Variants in PDE7B observed in about 807,000 individuals in gnomAD.
PDE7B encodes phosphodiesterase 7B.
A neutral mutation model predicts 56.2 loss-of-function variants in PDE7B; 29 were observed. The observed-to-expected ratio is 0.52, with a 90% CI of 0.38 to 0.70. PDE7B has a LOEUF of 0.70. PDE7B is among the 30% of genes least tolerant of loss of function. PDE7B has a pLI of 0.00. For synonymous variants in PDE7B, 197 were observed against 196.9 expected (o/e 1.00, Z 0.00); for missense variants, 490 against 565.0 (o/e 0.87, Z 1.35).
chr6:136,086,346 T>G (rs1777291824), intron 2 of PDE7B, among the ~76,000 whole-genome samples: 1 of 151,856 alleles, frequency 6.6e-6, no homozygotes, highest in Non-Finnish European at 1.5e-5. Context: ...TCTTAATGGC[T>G]TTTATTTATT....
chr6:135,958,007 G>A (rs555695612), intron 2 of PDE7B, among the ~76,000 whole-genome samples: 2 of 152,050 alleles, frequency 1.3e-5, no homozygotes, highest in Non-Finnish European at 2.9e-5. Context: ...CGAGGTGGGC[G>A]GATACCCTGA....
In PDE7B at chr6:136,041,581, C is replaced by T. The variant is rs180915598; in HGVS notation, c.83-67150C>T. On this transcript the variant is annotated intron_variant, in intron 2 of 12. Transcript: ENST00000308191. ...ATAGAAGGAAGGAAGAGGAGCTTGTCACCTTCACATGTTAGATCTGTGCAT... is the reference window on the plus strand; with the variant it reads ...ATAGAAGGAAGGAAGAGGAGCTTGTTACCTTCACATGTTAGATCTGTGCAT... Among the ~76,000 whole-genome samples, 234 of 152,330 alleles carry T rather than the reference C, an allele frequency of 1.5e-3. 2 individuals are homozygous for T. Among genetic ancestry groups the T allele is most frequent in the African/African-American group, 5.3e-3 (219 of 41,562 alleles).
At chr6:135,982,391 G>GCTCT (rs147932327) in intron 2 of PDE7B, among the ~76,000 whole-genome samples, 1 of 150,682 alleles carries the variant, frequency 6.6e-6, no homozygotes, top group Non-Finnish European at 1.5e-5. Flanking sequence ...TCACATGTTA[G>GCTCT]CTCTCTCTCT....
intron 1 of PDE7B, among the ~76,000 whole-genome samples, chr6:135,871,114 G>A (rs1169264153): frequency 6.6e-6 from 1 of 152,170 alleles, no homozygotes; most frequent in Non-Finnish European, 1.5e-5. Context: ...AGCTGTGGTA[G>A]GAATCTGCTG....
At chr6:136,138,768 G>A (rs1009466617) in intron 3 of PDE7B, among the ~76,000 whole-genome samples, 1 of 152,100 alleles carries the variant, frequency 6.6e-6, no homozygotes, top group African/African-American at 2.4e-5. Context: ...CAACTTGTCA[G>A]ATATCTACTT....
intron 2 of PDE7B, among the ~76,000 whole-genome samples, chr6:136,022,895 G>A (rs1776094960): frequency 6.6e-6 from 1 of 152,088 alleles, no homozygotes; most frequent in South Asian, 2.1e-4. Flanking sequence ...TGGCTGAGAG[G>A]GTGGGAGAAA....
intron 1 of PDE7B, among the ~76,000 whole-genome samples, chr6:135,940,425 C>T (rs146370791): frequency 0.015 from 2,224 of 152,346 alleles, 24 homozygotes; most frequent in Middle Eastern, 0.034. Context: ...TGTATCCACA[C>T]TCATGATACA....
intron 2 of PDE7B, among the ~76,000 whole-genome samples, chr6:136,050,414 A>AG (rs1325775034): frequency 4.7e-5 from 7 of 150,126 alleles, no homozygotes; most frequent in African/African-American, 1.7e-4. Flanking sequence ...CAGAAAATTA[A>AG]AAAAAAAAAA....
At chr6:135,972,761 A>G (rs1647236219) in intron 2 of PDE7B, among the ~76,000 whole-genome samples, 1 of 152,206 alleles carries the variant, frequency 6.6e-6, no homozygotes, top group African/African-American at 2.4e-5. Context: ...TTTTATGACC[A>G]TTGATAATGG....
intron 9 of PDE7B, among the ~76,000 whole-genome samples, chr6:136,178,496 T>C (rs911392088): frequency 6.6e-6 from 1 of 152,326 alleles, no homozygotes; most frequent in East Asian, 1.9e-4. Flanking sequence ...GTTTTTGTGT[T>C]TGAAGTTCCA....
chr6:136,154,796 C>T (rs990375367), intron 7 of PDE7B, among the ~76,000 whole-genome samples: 12 of 152,314 alleles, frequency 7.9e-5, no homozygotes, highest in East Asian at 3.9e-4. Flanking sequence ...GTACAAGGTA[C>T]AGGATGAGTT....
chr6:136,040,265 C>T (rs1351124828), intron 2 of PDE7B, among the ~76,000 whole-genome samples: 2 of 152,156 alleles, frequency 1.3e-5, no homozygotes, highest in African/African-American at 4.8e-5. Context: ...TAACACCTTT[C>T]CAAAGGATGT....
chr6:135,859,282 A>G (rs1202281083), intron 1 of PDE7B, among the ~76,000 whole-genome samples: 8 of 152,162 alleles, frequency 5.3e-5, no homozygotes, highest in African/African-American at 1.7e-4. Flanking sequence ...GTGTGTTTCC[A>G]TGTTCTTAAG....
At chr6:136,191,483 A>G (rs2128452824) in intron 12 of PDE7B, 131 bp from the exon 13 acceptor site, 7 of 758,088 alleles carry the variant, frequency 9.2e-6, no homozygotes, top group South Asian at 1.7e-5. Flanking sequence ...CCTGGCCAAC[A>G]TGGGGAAACC....
intron 3 of PDE7B, among the ~76,000 whole-genome samples, chr6:136,109,771 C>G (rs946314385): frequency 1.2e-4 from 18 of 152,282 alleles, no homozygotes; most frequent in African/African-American, 4.1e-4. Context: ...AGATTTCATG[C>G]CTTATAACGA....
chr6:135,950,453 A>C (rs191723993), intron 2 of PDE7B, among the ~76,000 whole-genome samples: 12 of 152,316 alleles, frequency 7.9e-5, no homozygotes, highest in African/African-American at 2.4e-4. Context: ...CCAACCATAA[A>C]TGTAGTTTTT....
At chr6:136,139,482 C>T (rs1239370023) in intron 3 of PDE7B, among the ~76,000 whole-genome samples, 1 of 152,104 alleles carries the variant, frequency 6.6e-6, no homozygotes, top group Non-Finnish European at 1.5e-5. Context: ...TGGGTATATA[C>T]CCGGTAATGG....
chr6:135,994,254 C>CA (rs1427822769), intron 2 of PDE7B, among the ~76,000 whole-genome samples: 1 of 151,734 alleles, frequency 6.6e-6, no homozygotes, highest in Admixed American at 6.6e-5. Flanking sequence ...ATTGAGGAAA[C>CA]ACTTCAGAAT....
chr6:136,051,445 C>T (rs1224727483), intron 2 of PDE7B, among the ~76,000 whole-genome samples: 2 of 152,220 alleles, frequency 1.3e-5, no homozygotes, highest in Non-Finnish European at 2.9e-5. Flanking sequence ...TGAACTCTCG[C>T]ATTGTTTAGC....
Sources: allele counts gnomAD v4.1 joint callset (sites outside exome capture counted in the v4.1 genomes callset), GRCh38; gene constraint gnomAD v4.1.1; transcripts MANE v1.5; gene names NCBI Gene and HGNC (gene_info 2026-07-23, HGNC 2026-07-21).